The following DST variants were observed in gnomAD, a reference collection of about 807,000 sequenced individuals.
The protein encoded by DST is dystonin, also known as bullous pemphigoid antigen.
Under a neutral mutation model 875.2 loss-of-function variants are expected in DST, and 253 were observed. The observed-to-expected ratio is 0.29, with a 90% CI of 0.26 to 0.32. The LOEUF is 0.32. Ranked by LOEUF, DST falls within the 10% of genes least tolerant of loss-of-function variation. The pLI is 1.00. For synonymous variants in DST, 3,124 were observed against 3,197.1 expected (o/e 0.98, Z 0.77); for missense variants, 8,287 against 9,111.6 (o/e 0.91, Z 3.68).
At chr6:56,532,546 AATAATT>A (rs2096914378) in intron 63 of DST, 36 bp from the exon 64 acceptor site, 1 of 1,522,664 alleles carries the variant, frequency 6.6e-7, no homozygotes, top group African/African-American at 1.4e-5. Context: ...AAAGCAAGGG[AATAATT>A]GTATGAATAT....
In DST at chr6:56,639,912, AT is replaced by A. The variant is rs745715013; in HGVS notation, c.2619+16del. 2 of 1,609,906 alleles carry A rather than the reference AT, an allele frequency of 1.2e-6. No individual in the cohort carries two copies. Among genetic ancestry groups the A allele is most frequent in the African/African-American group, 2.7e-5 (2 of 74,920 alleles). ...GTAAACTAAAATGAAATATATACAA[AT>A]TTTAAATTCACATACCTCACTGATT... On this transcript the variant is annotated intron_variant, in intron 19 of 103. Transcript: ENST00000680361.
intron 4 of DST, chr6:56,842,966 C>A (rs1266052981): frequency 1.6e-6 from 2 of 1,223,546 alleles, no homozygotes; most frequent in African/African-American, 3.1e-5. Flanking sequence ...TACTCGTGCC[C>A]AAGGAGTGGT....
At chr6:56,552,151 A>G in intron 61 of DST, 33 bp downstream of exon 61, 1 of 1,543,474 alleles carries the variant, frequency 6.5e-7, no homozygotes, top group Non-Finnish European at 8.7e-7. Flanking sequence ...CATTGACAAT[A>G]AAAACACTGG....
chr6:56,495,632 T>A (rs2095876540), intron 82 of DST, among the ~76,000 whole-genome samples: 1 of 151,758 alleles, frequency 6.6e-6, no homozygotes. Context: ...GTTTCTCAGG[T>A]TTTTTTTCAA....
intron 4 of DST, among the ~76,000 whole-genome samples, chr6:56,834,627 C>A (rs2099791349): frequency 6.6e-6 from 1 of 151,950 alleles, no homozygotes; most frequent in Admixed American, 6.6e-5. Flanking sequence ...CATGATATGT[C>A]ATTTAGGGAA....
At position 56,634,160 on chromosome 6, in the gene DST, T is replaced by C. The variant is rs1190343054; in HGVS notation, c.3593A>G (p.Asp1198Gly). Residue 1198 changes from aspartate to glycine, a missense_variant, in exon 27 of 104, where the codon GAT becomes GGT. By Grantham distance (94) the Asp-to-Gly change is moderately conservative (BLOSUM62 -1). Coordinates refer to ENST00000680361, the MANE Select transcript of DST (RefSeq NM_001374736.1). ...VSWHYLINEIDRIRASNVASI... is the reference protein window; with the variant it reads ...VSWHYLINEIGRIRASNVASI... The stretch of plus-strand genomic sequence containing the variant: ...AGCCACATTGCTAGCTCGAATTCTA[T>C]CAATTTCATTGATGAGATAATGCCA... 2 of 1,613,470 alleles carry C rather than the reference T, an allele frequency of 1.2e-6. No individual in the cohort carries two copies. The highest frequency in any genetic ancestry group is 1.7e-5 in the Admixed American group (1 of 60,028).
At chr6:56,505,921 AAAG>A (rs1363123980) in intron 77 of DST, among the ~76,000 whole-genome samples, 1 of 152,200 alleles carries the variant, frequency 6.6e-6, no homozygotes, top group Non-Finnish European at 1.5e-5. Flanking sequence ...TATACATGGA[AAAG>A]AAGAAAACAC....
chr6:56,584,400 T>C (rs960813377), intron 49 of DST, among the ~76,000 whole-genome samples: 1 of 152,110 alleles, frequency 6.6e-6, no homozygotes, highest in Non-Finnish European at 1.5e-5. Flanking sequence ...TGTTTGTCTG[T>C]TATGGGTGTA....
At chr6:56,477,252 A>G (rs2095239472) in intron 91 of DST, 93 bp downstream of exon 91, 21 of 1,347,488 alleles carry the variant, frequency 1.6e-5, no homozygotes, top group Non-Finnish European at 1.9e-5. Context: ...TCATTTTCCC[A>G]TGGCCATAAG....
At chr6:56,950,428 T>C (rs756848743) in intron 2 of DST, among the ~76,000 whole-genome samples, 14 of 152,304 alleles carry the variant, frequency 9.2e-5, no homozygotes, top group Admixed American at 3.9e-4. Context: ...ATTACCCATA[T>C]CACTTTCTGA....
intron 10 of DST, among the ~76,000 whole-genome samples, chr6:56,655,969 T>C (rs898335698): frequency 6.6e-6 from 1 of 152,260 alleles, no homozygotes; most frequent in Non-Finnish European, 1.5e-5. Context: ...ATATCTAGCA[T>C]AATGCTTAAA....
chr6:56,901,407 C>T (rs1793997278), intron 2 of DST, among the ~76,000 whole-genome samples: 1 of 152,186 alleles, frequency 6.6e-6, no homozygotes, highest in Admixed American at 6.5e-5. Flanking sequence ...ACCAGCCTGG[C>T]CAACATGGCG....
intron 3 of DST, among the ~76,000 whole-genome samples, chr6:56,864,412 T>A (rs557155857): frequency 4.6e-5 from 7 of 152,194 alleles, no homozygotes; most frequent in Non-Finnish European, 8.8e-5. Context: ...GTCTACCATA[T>A]TACTGCATAA....
intron 10 of DST, among the ~76,000 whole-genome samples, chr6:56,653,796 C>A (rs1385761400): frequency 2.6e-5 from 4 of 152,216 alleles, no homozygotes; most frequent in Admixed American, 2.6e-4. Flanking sequence ...TCTTTCAAAT[C>A]TGTCTTTCCT....
intron 59 of DST, 112 bp from the exon 60 acceptor site, chr6:56,555,952 T>C: frequency 1.7e-6 from 2 of 1,154,908 alleles, no homozygotes; most frequent in Non-Finnish European, 2.3e-6. Context: ...TTTTTGTTTT[T>C]TAGTTATCAC....
Position 56,641,842 on chromosome 6 carries a change from A to T in DST, c.2027+105T>A. Reference sequence around the variant, plus strand: ...ACACATTTTCAACTAAAAAACAGCAAAGAAATATATTTCATAAAATTTTCA... The same window carrying T: ...ACACATTTTCAACTAAAAAACAGCATAGAAATATATTTCATAAAATTTTCA... On this transcript the variant is annotated intron_variant, in intron 17 of 103. Transcript: ENST00000680361. 4.3e-6 allele frequency: 4 copies of T among 923,082 alleles called. No individual in the cohort carries two copies. The South Asian group carries it at 8.7e-5, about 20-fold the overall frequency. The allele number at this position is 923,082 out of a possible 1,614,324, so 57.2% of individuals were successfully genotyped here. A position where few individuals can be genotyped will look rare whatever the true frequency, so the allele number is the denominator to read the frequency against.
At chr6:56,689,503 T>G (rs1394429914) in intron 9 of DST, among the ~76,000 whole-genome samples, 1 of 152,208 alleles carries the variant, frequency 6.6e-6, no homozygotes, top group East Asian at 1.9e-4. Context: ...TATACAATAC[T>G]GTCTCATGAC....
At chr6:56,642,188 G>A (rs1449445028) in intron 16 of DST, 87 bp from the exon 17 acceptor site, 5 of 1,148,618 alleles carry the variant, frequency 4.4e-6, no homozygotes, top group Admixed American at 1.9e-5. Flanking sequence ...TGGAACAGAA[G>A]CCTACTTGGG....
intron 4 of DST, among the ~76,000 whole-genome samples, chr6:56,765,958 G>A (rs188364099): frequency 6.6e-6 from 1 of 152,262 alleles, no homozygotes; most frequent in Admixed American, 6.5e-5. Flanking sequence ...GTGTTTACTT[G>A]AACTATATGT....
Sources: allele counts gnomAD v4.1 joint callset (sites outside exome capture counted in the v4.1 genomes callset), GRCh38; gene constraint gnomAD v4.1.1; transcripts MANE v1.5; gene names NCBI Gene and HGNC (gene_info 2026-07-23, HGNC 2026-07-21).